Variants in FYB1 observed in about 807,000 individuals in gnomAD.
FYB1 encodes the protein FYN binding protein 1, also known as FYN-binding protein 1.
Under a neutral mutation model 94.1 loss-of-function variants are expected in FYB1, and 41 were observed. The ratio of observed to expected loss-of-function variants is 0.44; its 90% CI spans 0.34 to 0.57. The LOEUF is 0.57. Ranked by LOEUF, FYB1 falls within the 20% of genes least tolerant of loss-of-function variation. FYB1 has a pLI of 0.02. For missense variants in FYB1, 1,050 were observed against 976.8 expected, an observed-to-expected ratio of 1.07 and a Z score of -1.00; for synonymous variants, 367 against 353.2, an observed-to-expected ratio of 1.04 and a Z score of -0.44.
At chr5:39,268,553 G>T (rs1206873230) in intron 1 of FYB1, among the ~76,000 whole-genome samples, 3 of 151,838 alleles carry the variant, frequency 2.0e-5, no homozygotes, top group Non-Finnish European at 4.4e-5. Context: ...AGTTTTTTTT[G>T]AGAAATATGT....
chr5:39,160,104 C>T (rs1744113683), intron 2 of FYB1, among the ~76,000 whole-genome samples: 1 of 152,198 alleles, frequency 6.6e-6, no homozygotes, highest in African/African-American at 2.4e-5. Flanking sequence ...GGTTTAAATT[C>T]AGATTCAACC....
intron 2 of FYB1, among the ~76,000 whole-genome samples, chr5:39,166,291 C>A (rs1327103642): frequency 1.3e-5 from 2 of 151,976 alleles, no homozygotes; most frequent in Admixed American, 6.6e-5. Flanking sequence ...ACAAAATTAT[C>A]CGGGCCTGGT....
At chr5:39,243,265 T>C (rs910210138) in intron 1 of FYB1, among the ~76,000 whole-genome samples, 1 of 152,114 alleles carries the variant, frequency 6.6e-6, no homozygotes, top group Admixed American at 6.5e-5. Flanking sequence ...AGGGTTTTTA[T>C]GGTTTTAGGT....
At chr5:39,238,791 G>T (rs1306051061) in intron 1 of FYB1, among the ~76,000 whole-genome samples, 1 of 152,076 alleles carries the variant, frequency 6.6e-6, no homozygotes, top group Non-Finnish European at 1.5e-5. Flanking sequence ...AGGGTATCAG[G>T]GTGAGGCTTC....
At chr5:39,113,774 A>G (rs1739282821) in intron 16 of FYB1, among the ~76,000 whole-genome samples, 1 of 152,148 alleles carries the variant, frequency 6.6e-6, no homozygotes, top group Non-Finnish European at 1.5e-5. Context: ...CAGTTTAAAA[A>G]CAAGAAAATC....
chr5:39,255,156 G>A (rs903266754), intron 1 of FYB1, among the ~76,000 whole-genome samples: 4 of 152,074 alleles, frequency 2.6e-5, no homozygotes, highest in Non-Finnish European at 5.9e-5. Context: ...TGGGGGAAAA[G>A]GTTTATTGTG....
intron 2 of FYB1, among the ~76,000 whole-genome samples, chr5:39,187,844 T>C (rs1320560627): frequency 6.6e-6 from 1 of 152,206 alleles, no homozygotes; most frequent in Non-Finnish European, 1.5e-5. Flanking sequence ...CTAAGTTTTT[T>C]TTTTTATATT....
rs141710283 is a variant in FYB1 at position 39,154,741 on chromosome 5, C to T, written c.1136-1137G>A. ...TAGTAGAGATGGGATTTCACCATGC[C>T]CGCCGCTGTGCCCATCTAATTTTTG... On this transcript the variant is annotated intron_variant, in intron 2 of 18. Transcript: ENST00000512982. Among the ~76,000 whole-genome samples, 826 of 151,856 alleles carry T rather than the reference C, an allele frequency of 5.4e-3. 8 individuals are homozygous for T. Among genetic ancestry groups the T allele is most frequent in the African/African-American group, 0.018 (763 of 41,438 alleles).
chr5:39,169,789 C>T (rs1027554232), intron 2 of FYB1: 1 of 497,140 alleles, frequency 2.0e-6, no homozygotes, highest in Non-Finnish European at 3.9e-6. Flanking sequence ...TTTGATGATG[C>T]ATTTTCCAAA....
intron 2 of FYB1, among the ~76,000 whole-genome samples, chr5:39,161,835 C>T (rs1270085430): frequency 1.3e-5 from 2 of 152,216 alleles, no homozygotes; most frequent in East Asian, 3.8e-4. Context: ...TACTTACTGG[C>T]AGTCACTCCC....
At chr5:39,149,714 C>T (rs545091728) in intron 3 of FYB1, among the ~76,000 whole-genome samples, 2 of 152,232 alleles carry the variant, frequency 1.3e-5, no homozygotes, top group South Asian at 4.1e-4. Flanking sequence ...TTGGCCTCCA[C>T]CAGCACCTGA....
At chr5:39,225,372 T>C (rs1750427692) in intron 1 of FYB1, among the ~76,000 whole-genome samples, 1 of 152,200 alleles carries the variant, frequency 6.6e-6, no homozygotes, top group Non-Finnish European at 1.5e-5. Context: ...ACTTTACCAA[T>C]TAGAATGGCC....
intron 1 of FYB1, among the ~76,000 whole-genome samples, chr5:39,273,632 A>G (rs1752723502): frequency 6.6e-6 from 1 of 152,184 alleles, no homozygotes; most frequent in Non-Finnish European, 1.5e-5. Flanking sequence ...AGAATGCAAA[A>G]TAAGTTATAA....
chr5:39,260,079 GC>G (rs1276334749), intron 1 of FYB1, among the ~76,000 whole-genome samples: 1 of 152,182 alleles, frequency 6.6e-6, no homozygotes, highest in Non-Finnish European at 1.5e-5. Context: ...GTTTGGAAGA[GC>G]AATTAAAATC....
chr5:39,189,235 CT>C (rs199894461), intron 2 of FYB1, among the ~76,000 whole-genome samples: 59 of 136,940 alleles, frequency 4.3e-4, no homozygotes, highest in African/African-American at 7.8e-4. Context: ...TATGGAATTC[CT>C]TTTTTTTTTT....
intron 3 of FYB1, among the ~76,000 whole-genome samples, chr5:39,147,165 G>T (rs1742730598): frequency 6.6e-6 from 1 of 152,142 alleles, no homozygotes; most frequent in African/African-American, 2.4e-5. Flanking sequence ...ATAGCATGTA[G>T]AATTAAATAG....
upstream of FYB1, among the ~76,000 whole-genome samples, chr5:39,223,973 AATG>A (rs1408447834): frequency 6.6e-6 from 1 of 152,174 alleles, no homozygotes; most frequent in African/African-American, 2.4e-5. Flanking sequence ...TGCTCAGTAT[AATG>A]ATGACTTTGA....
intron 2 of FYB1, among the ~76,000 whole-genome samples, chr5:39,181,129 T>A (rs16868255): frequency 0.22 from 33,769 of 152,088 alleles, 4,015 homozygotes; most frequent in African/African-American, 0.29. Context: ...CAGAAATAAC[T>A]GACACCATAT....
intron 16 of FYB1, among the ~76,000 whole-genome samples, chr5:39,114,419 C>T (rs551533485): frequency 1.1e-4 from 16 of 152,258 alleles, no homozygotes; most frequent in East Asian, 3.9e-4. Context: ...TGTCCCACTG[C>T]GTAATGGTAA....
Sources: allele counts gnomAD v4.1 joint callset (sites outside exome capture counted in the v4.1 genomes callset), GRCh38; gene constraint gnomAD v4.1.1; transcripts MANE v1.5; gene names NCBI Gene and HGNC (gene_info 2026-07-23, HGNC 2026-07-21).